Variants in PLCXD3 observed in about 807,000 individuals in gnomAD.
PLCXD3 encodes the protein PI-PLC X domain-containing protein 3.
Under a neutral mutation model 25.5 loss-of-function variants are expected in PLCXD3, and 19 were observed. The ratio of observed to expected loss-of-function variants is 0.75; its 90% CI spans 0.52 to 1.09. The LOEUF (loss-of-function observed/expected upper bound fraction) is 1.09, where lower values mean the gene tolerates loss of function less well. PLCXD3 is among the 50% of genes least tolerant of loss of function. PLCXD3 has a pLI of 0.00. For synonymous variants in PLCXD3, 174 were observed against 137.6 expected (o/e 1.26, Z -1.85); for missense variants, 411 against 388.1 (o/e 1.06, Z -0.50).
chr5:41,378,886 C>T (rs1372665694), intron 2 of PLCXD3, among the ~76,000 whole-genome samples: 2 of 152,084 alleles, frequency 1.3e-5, no homozygotes, highest in African/African-American at 2.4e-5. Flanking sequence ...TTCTAAATTA[C>T]ATCAAATGCC....
chr5:41,330,713 C>T (rs941548308), intron 2 of PLCXD3, among the ~76,000 whole-genome samples: 108 of 152,162 alleles, frequency 7.1e-4, no homozygotes, highest in African/African-American at 2.5e-3. Context: ...ACTGGCAAAC[C>T]GAATCCAGCA....
At chr5:41,361,292 G>A (rs1006790238) in intron 2 of PLCXD3, among the ~76,000 whole-genome samples, 2 of 152,190 alleles carry the variant, frequency 1.3e-5, no homozygotes, top group Non-Finnish European at 2.9e-5. Context: ...TTTCCAGGCA[G>A]CCAATGCCCA....
chr5:41,330,172 A>T (rs1743752573), intron 2 of PLCXD3, among the ~76,000 whole-genome samples: 1 of 152,116 alleles, frequency 6.6e-6, no homozygotes, highest in Non-Finnish European at 1.5e-5. Context: ...AAAGATTATT[A>T]TAAAAATGTC....
At chr5:41,477,742 G>T (rs1378866326) in intron 1 of PLCXD3, among the ~76,000 whole-genome samples, 1 of 151,968 alleles carries the variant, frequency 6.6e-6, no homozygotes, top group African/African-American at 2.4e-5. Context: ...ATATCTCAGT[G>T]CAATTTCCTA....
intron 2 of PLCXD3, among the ~76,000 whole-genome samples, chr5:41,328,765 T>C (rs1201877006): frequency 6.6e-6 from 1 of 152,192 alleles, no homozygotes; most frequent in Non-Finnish European, 1.5e-5. Flanking sequence ...CGTCTTCTCA[T>C]ATGCTGACAT....
Position 41,427,961 on chromosome 5 carries a change from C to CA in PLCXD3, c.104-45428dup, listed in dbSNP as rs533579839. On this transcript the variant is annotated intron_variant, in intron 1 of 2. Transcript: ENST00000377801. ...GCATTTCTACCAAAACAGGTGAATA[C>CA]ATTTAGTCCCTCTTAGGGGAGCCAC... is the stretch of plus-strand genomic sequence containing the variant. Among the ~76,000 whole-genome samples, 413 of 152,296 alleles carry CA rather than the reference C, an allele frequency of 2.7e-3. 3 individuals are homozygous for CA. The highest frequency in any genetic ancestry group is 9.4e-3 in the African/African-American group (391 of 41,574).
intron 1 of PLCXD3, among the ~76,000 whole-genome samples, chr5:41,396,990 A>G (rs1208843153): frequency 6.6e-6 from 1 of 152,238 alleles, no homozygotes; most frequent in East Asian, 1.9e-4. Context: ...ACCTGAAACT[A>G]GAACTTACAT....
intron 1 of PLCXD3, among the ~76,000 whole-genome samples, chr5:41,435,327 GC>G (rs1747222098): frequency 6.6e-6 from 1 of 152,114 alleles, no homozygotes; most frequent in South Asian, 2.1e-4. Flanking sequence ...TCCCCTTTTG[GC>G]TCTGTAAGTA....
intron 1 of PLCXD3, among the ~76,000 whole-genome samples, chr5:41,433,949 T>C (rs895615583): frequency 3.3e-5 from 5 of 152,226 alleles, no homozygotes; most frequent in Admixed American, 3.3e-4. Flanking sequence ...AGGTTACTTG[T>C]ATAGCTGTGA....
At position 41,313,610 on chromosome 5, in the gene PLCXD3, A is replaced by G. The variant is rs763419971; in HGVS notation, c.*7T>C. The stretch of plus-strand genomic sequence containing the variant: ...CATCTTATTCATGGAAACTCCAAGT[A>G]GTGCTATCAAGTGTTGGCTTCTCCT... On this transcript the variant is annotated 3_prime_UTR_variant, in exon 3 of 3. Coordinates refer to ENST00000377801, the MANE Select transcript of PLCXD3 (RefSeq NM_001005473.3). The G allele has an allele frequency of 6.2e-7, 1 of 1,613,702 alleles. No individual in the cohort carries two copies. Among genetic ancestry groups the G allele is most frequent in the Non-Finnish European group, 8.5e-7 (1 of 1,179,668 alleles).
chr5:41,355,501 C>A (rs979897261), intron 2 of PLCXD3, among the ~76,000 whole-genome samples: 14 of 152,338 alleles, frequency 9.2e-5, no homozygotes, highest in African/African-American at 3.4e-4. Flanking sequence ...ACACCCTTTT[C>A]ATGAACTCAG....
intron 1 of PLCXD3, among the ~76,000 whole-genome samples, chr5:41,484,276 CTG>C (rs957374564): frequency 4.0e-5 from 6 of 151,476 alleles, no homozygotes; most frequent in African/African-American, 1.5e-4. Flanking sequence ...CACACACTAA[CTG>C]TATTCTAAAA....
rs149113797 is a variant in PLCXD3 at position 41,382,176 on chromosome 5, G to T, written c.462C>A (p.His154Gln). The part of the protein sequence containing the change: ...FNHFYGMQKY[H>Q]HEKLVQMLKD... ...TCAGCATTTGGACCAGTTTTTCATG[G>T]TGATATTTCTGCATCCCATAAAAGT... The change falls in exon 2 of 3, where the codon CAC becomes CAA. Residue 154 changes from histidine to glutamine, a missense_variant. Coordinates refer to ENST00000377801, the MANE Select transcript of PLCXD3 (RefSeq NM_001005473.3). 1.9e-6 allele frequency: 3 copies of T among 1,613,490 alleles called. No individual in the cohort carries two copies. In the Admixed American group the frequency reaches 5.0e-5, roughly 27 times the overall value.
At chr5:41,496,627 CAA>C (rs71608608) in intron 1 of PLCXD3, among the ~76,000 whole-genome samples, 15 of 114,676 alleles carry the variant, frequency 1.3e-4, no homozygotes, top group Non-Finnish European at 2.2e-4. Flanking sequence ...TTTCCCAGAC[CAA>C]AAAAAAAAAA....
intron 2 of PLCXD3, among the ~76,000 whole-genome samples, chr5:41,371,065 G>A (rs539654459): frequency 3.0e-4 from 45 of 152,204 alleles, no homozygotes; most frequent in African/African-American, 1.0e-3. Context: ...TGAAGAGTTT[G>A]CATTTTCAGT....
At chr5:41,406,778 A>G (rs1437483182) in intron 1 of PLCXD3, among the ~76,000 whole-genome samples, 1 of 152,142 alleles carries the variant, frequency 6.6e-6, no homozygotes. Context: ...CTCTATGGTC[A>G]TTACCCTGCC....
intron 1 of PLCXD3, among the ~76,000 whole-genome samples, chr5:41,504,618 C>G (rs908868422): frequency 6.6e-6 from 1 of 152,138 alleles, no homozygotes; most frequent in East Asian, 1.9e-4. Context: ...TCTGCAGACA[C>G]AGAATAAGCT....
rs1262992069 is a variant in PLCXD3, at chr5:41,472,013, CTTTCT to C, written c.103+38406_103+38410del. On this transcript the variant is annotated intron_variant, in intron 1 of 2. Transcript: ENST00000377801. The stretch of plus-strand genomic sequence containing the variant: ...TTCCTCCCTCCCTTTCTTCCTTTTT[CTTTCT>C]TTTCTTCTCTTCTTCTCTCCTACTT... Among the ~76,000 whole-genome samples, 10 of 136,574 alleles carry C rather than the reference CTTTCT, an allele frequency of 7.3e-5. No individual in the cohort carries two copies. In the East Asian group the frequency reaches 1.1e-3, roughly 15 times the overall value. The allele number at this position is 136,574 out of a possible 152,430, so 89.6% of individuals were successfully genotyped here. A position where few individuals can be genotyped will look rare whatever the true frequency, so the allele number is the denominator to read the frequency against.
chr5:41,360,695 T>C (rs1349277269), intron 2 of PLCXD3, among the ~76,000 whole-genome samples: 3 of 152,034 alleles, frequency 2.0e-5, no homozygotes, highest in African/African-American at 4.8e-5. Context: ...CTGCAAAGAG[T>C]CTTGTGATGT....
Sources: allele counts gnomAD v4.1 joint callset (sites outside exome capture counted in the v4.1 genomes callset), GRCh38; gene constraint gnomAD v4.1.1; transcripts MANE v1.5; gene names NCBI Gene and HGNC (gene_info 2026-07-23, HGNC 2026-07-21).